LYRM4: variants seen among roughly 807,000 people sequenced by gnomAD.
The protein encoded by LYRM4 is LYR motif containing 4, also known as LYR motif-containing protein 4.
In LYRM4, 9 loss-of-function variants were observed where a neutral mutation model predicts 11.7. The observed-to-expected ratio is 0.77, with a 90% CI of 0.46 to 1.34. The LOEUF (loss-of-function observed/expected upper bound fraction) is 1.34, where lower values mean the gene tolerates loss of function less well. Ranked by LOEUF, LYRM4 falls within the 40% of genes most tolerant of loss-of-function variation. LYRM4 has a pLI of 0.00. For missense variants in LYRM4, 133 were observed against 112.5 expected (o/e 1.18, Z -0.82); for synonymous variants, 42 against 40.4 (o/e 1.04, Z -0.15).
the LYRM4 span, among the ~76,000 whole-genome samples, chr6:5,061,443 G>A: frequency 3.3e-5 from 5 of 152,130 alleles, no homozygotes; most frequent in Non-Finnish European, 7.3e-5. Context: ...ACAAGATAGT[G>A]AACAATTGTA....
chr6:5,176,418 G>A (rs927225912), intron 2 of LYRM4, among the ~76,000 whole-genome samples: 6 of 152,276 alleles, frequency 3.9e-5, no homozygotes, highest in South Asian at 2.1e-4. Flanking sequence ...TAAGGCCTAC[G>A]GAATACTAAG....
At chr6:5,248,677 C>A (rs1044586426) in intron 1 of LYRM4, among the ~76,000 whole-genome samples, 1 of 152,262 alleles carries the variant, frequency 6.6e-6, no homozygotes, top group African/African-American at 2.4e-5. Flanking sequence ...CTGCTTTCTT[C>A]AGCTCCGATC....
At chr6:5,253,662 C>T (rs777186998) in intron 1 of LYRM4, among the ~76,000 whole-genome samples, 28 of 152,142 alleles carry the variant, frequency 1.8e-4, no homozygotes, top group Middle Eastern at 3.4e-3. Flanking sequence ...GGAGCCTAGT[C>T]GCCGGCCATT....
At chr6:5,124,257 G>A (rs989873069) in intron 2 of LYRM4, among the ~76,000 whole-genome samples, 14 of 152,074 alleles carry the variant, frequency 9.2e-5, no homozygotes, top group African/African-American at 2.9e-4. Context: ...CAGAAGCCTT[G>A]GCCTCCACAC....
chr6:5,100,991 C>A (rs764942218), downstream of LYRM4, among the ~76,000 whole-genome samples: 2 of 152,202 alleles, frequency 1.3e-5, no homozygotes, highest in African/African-American at 4.8e-5. Context: ...CTTACGTCTC[C>A]GTGCCTGCCA....
chr6:5,092,692 T>C, the LYRM4 span, among the ~76,000 whole-genome samples: 1 of 147,706 alleles, frequency 6.8e-6, no homozygotes, highest in Non-Finnish European at 1.5e-5. Flanking sequence ...CGCTCTGGCC[T>C]GGGCGACAGA....
chr6:5,227,487 T>C (rs1048364547), intron 1 of LYRM4, among the ~76,000 whole-genome samples: 10 of 152,122 alleles, frequency 6.6e-5, no homozygotes, highest in African/African-American at 2.4e-4. Context: ...CCCACCAGCA[T>C]AGGAACACCA....
chr6:5,119,734 A>G (rs1309274957), intron 2 of LYRM4, among the ~76,000 whole-genome samples: 1 of 137,518 alleles, frequency 7.3e-6, no homozygotes, highest in African/African-American at 2.7e-5. Context: ...GGTTGCAGTG[A>G]GCCGAGATTG....
At chr6:5,235,228 C>T (rs533966463) in intron 1 of LYRM4, among the ~76,000 whole-genome samples, 47 of 152,112 alleles carry the variant, frequency 3.1e-4, no homozygotes, top group African/African-American at 1.1e-3. Context: ...TGGCAACCTC[C>T]GGCTCCTGGG....
the LYRM4 span, among the ~76,000 whole-genome samples, chr6:5,079,255 C>G: frequency 2.6e-5 from 4 of 152,244 alleles, 1 homozygote; most frequent in South Asian, 8.3e-4. Flanking sequence ...CAGAAAGTAA[C>G]TAGGAAATAT....
the LYRM4 span, among the ~76,000 whole-genome samples, chr6:5,038,301 A>G: frequency 1.7e-5 from 1 of 57,778 alleles, no homozygotes; most frequent in African/African-American, 4.7e-5. Context: ...GGCCGGGCAG[A>G]GATGCTCCTC....
intron 2 of LYRM4, among the ~76,000 whole-genome samples, chr6:5,210,943 TG>T (rs1425736928): frequency 6.6e-6 from 1 of 152,236 alleles, no homozygotes; most frequent in Non-Finnish European, 1.5e-5. Flanking sequence ...TTCTACCTTT[TG>T]GCTATTGTGA....
At chr6:5,178,804 CAAAAAA>C (rs56880549) in intron 2 of LYRM4, among the ~76,000 whole-genome samples, 372 of 29,944 alleles carry the variant, frequency 0.012, 3 homozygotes, top group African/African-American at 0.035. Flanking sequence ...GACTCTGTCT[CAAAAAA>C]AAAAAAAAAA....
At chr6:5,207,715 A>C (rs1318810412) in intron 2 of LYRM4, among the ~76,000 whole-genome samples, 1 of 152,170 alleles carries the variant, frequency 6.6e-6, no homozygotes, top group Admixed American at 6.5e-5. Flanking sequence ...TTGAACTTTC[A>C]CATTTTCGGA....
At chr6:5,077,473 C>T in the LYRM4 span, among the ~76,000 whole-genome samples, 2 of 152,252 alleles carry the variant, frequency 1.3e-5, no homozygotes. Flanking sequence ...CCTGGACTCC[C>T]AGTGGTTTTT....
chr6:5,048,560 C>T, the LYRM4 span, among the ~76,000 whole-genome samples: 2 of 151,986 alleles, frequency 1.3e-5, no homozygotes, highest in African/African-American at 2.4e-5. Context: ...TCTTGAACTA[C>T]GTTGCCCAGG....
At chr6:5,248,289 T>C (rs1764281366) in intron 1 of LYRM4, among the ~76,000 whole-genome samples, 1 of 152,236 alleles carries the variant, frequency 6.6e-6, no homozygotes. Context: ...GTCACATTGC[T>C]GTAGCCAGGC....
chr6:5,149,260 A>C (rs571762152), intron 2 of LYRM4, among the ~76,000 whole-genome samples: 2 of 152,234 alleles, frequency 1.3e-5, no homozygotes, highest in South Asian at 4.1e-4. Context: ...ACGTGGGAAA[A>C]GCCTGCTAAC....
the LYRM4 span, among the ~76,000 whole-genome samples, chr6:5,049,626 A>T: frequency 1.3e-5 from 2 of 152,060 alleles, no homozygotes; most frequent in Non-Finnish European, 1.5e-5. Context: ...TCCTTGAGTG[A>T]GAAACTAAAT....
Sources: gnomAD v4.1 joint callset for allele counts (sites outside exome capture counted in the v4.1 genomes callset) on GRCh38, gnomAD v4.1.1 for gene constraint, MANE v1.5 for transcripts, NCBI Gene and HGNC (gene_info 2026-07-23, HGNC 2026-07-21) for gene names.